NAA38: variants seen among roughly 807,000 people sequenced by gnomAD.
The protein encoded by NAA38 is N-alpha-acetyltransferase 38, NatC auxiliary subunit, also known as LSM domain containing 1.
A neutral mutation model predicts 12.6 loss-of-function variants in NAA38; 15 were observed. That is an observed-to-expected ratio of 1.19 (90% CI 0.79 to 1.83). The LOEUF is 1.83. NAA38 is among the 40% of genes most tolerant of loss of function. The pLI, the probability that NAA38 is intolerant of heterozygous loss-of-function variation, is 0.00. For synonymous variants in NAA38, 88 were observed against 69.9 expected (o/e 1.26, Z -1.29); for missense variants, 183 against 171.7 (o/e 1.07, Z -0.37).
chr17:7,863,172 A>G (rs1966902686), intron 3 of NAA38: 1 of 152,222 alleles, frequency 6.6e-6, no homozygotes, highest in Non-Finnish European at 1.5e-5. Context: ...TCACTTATTA[A>G]TACTTAAAAA....
chr17:7,866,471 A>G, intron 3 of NAA38: 1 of 1,231,382 alleles, frequency 8.1e-7, no homozygotes, highest in Non-Finnish European at 1.0e-6. Flanking sequence ...TTCTCTTAAG[A>G]TGAACTTAGA....
upstream of NAA38, chr17:7,857,621 C>T: frequency 7.3e-7 from 1 of 1,362,912 alleles, no homozygotes; most frequent in Admixed American, 3.5e-5. Flanking sequence ...TCGCGAGCTT[C>T]TCCTACTTCT....
intron 2 of NAA38, among the ~76,000 whole-genome samples, chr17:7,871,104 T>G (rs1249057845): frequency 1.3e-5 from 2 of 152,202 alleles, no homozygotes. Context: ...TTATGGCCTC[T>G]TAAAGCCAGC....
chr17:7,871,747 C>T (rs538713300), intron 2 of NAA38, among the ~76,000 whole-genome samples: 1 of 152,182 alleles, frequency 6.6e-6, no homozygotes, highest in East Asian at 1.9e-4. Flanking sequence ...CTCCGCCTCC[C>T]GAGTTCAAGC....
chr17:7,858,137 G>T, upstream of NAA38: 1 of 1,613,426 alleles, frequency 6.2e-7, no homozygotes. Context: ...CAAGAGCCAT[G>T]CCGCGCCGGG....
rs965304899 is a variant in NAA38 at position 7,884,957 on chromosome 17, G to C, written c.-167+208C>G. 1 of 1,350,774 alleles carries C rather than the reference G, an allele frequency of 7.4e-7. No homozygotes were observed. The highest frequency in any genetic ancestry group is 2.7e-5 in the Admixed American group (1 of 36,932). 83.7% of individuals were successfully genotyped at this position (1,350,774 alleles called of 1,614,324 possible). ...CGATGAGGAGGACGACGACGAGGGA[G>C]TACTCGGGCGCGGGCCGGGCCACGA... On this transcript the variant is annotated intron_variant, in intron 1 of 4. Transcript: ENST00000576861.
At chr17:7,875,632 G>A (rs1339440660) in intron 2 of NAA38, among the ~76,000 whole-genome samples, 1 of 152,116 alleles carries the variant, frequency 6.6e-6, no homozygotes, top group Non-Finnish European at 1.5e-5. Flanking sequence ...TCACTGTATT[G>A]GCTGGTTTGT....
chr17:7,859,913 A>G, upstream of NAA38: 1 of 377,068 alleles, frequency 2.7e-6, no homozygotes, highest in Non-Finnish European at 4.9e-6. Context: ...GTTAAGAGAG[A>G]GTAGTTCTAC....
At chr17:7,885,094 GC>G (rs1301339514) in intron 1 of NAA38, 1 of 958,494 alleles carries the variant, frequency 1.0e-6, no homozygotes, top group Non-Finnish European at 1.2e-6. Context: ...GTAAGCGCCC[GC>G]CCCGACTCCC....
chr17:7,875,414 C>T (rs949348301), intron 2 of NAA38, among the ~76,000 whole-genome samples: 1 of 152,038 alleles, frequency 6.6e-6, no homozygotes, highest in Non-Finnish European at 1.5e-5. Flanking sequence ...TAGCTCACTG[C>T]AGGCTCCAGC....
upstream of NAA38, chr17:7,861,640 T>C (rs1287964293): frequency 1.3e-5 from 2 of 152,186 alleles, no homozygotes; most frequent in Admixed American, 6.5e-5. Context: ...ACACATCCAG[T>C]CACTCATCAA....
chr17:7,883,515 T>C (rs888873364), intron 1 of NAA38, among the ~76,000 whole-genome samples: 10 of 152,114 alleles, frequency 6.6e-5, no homozygotes, highest in Non-Finnish European at 1.2e-4. Context: ...ATAAAATTTA[T>C]AACAATTATA....
At chr17:7,884,429 A>C (rs1956751617) in intron 1 of NAA38, among the ~76,000 whole-genome samples, 1 of 141,564 alleles carries the variant, frequency 7.1e-6, no homozygotes, top group Non-Finnish European at 1.5e-5. Flanking sequence ...AGGGGGGCAG[A>C]GAGAAGTCGA....
At chr17:7,866,252 A>G (rs1304834834) in intron 3 of NAA38, among the ~76,000 whole-genome samples, 1 of 106,758 alleles carries the variant, frequency 9.4e-6, no homozygotes, top group Non-Finnish European at 1.7e-5. Context: ...AAGCCCGGCT[A>G]ATTTTTTTTT....
chr17:7,860,415 C>T (rs1006517065), upstream of NAA38: 2 of 152,152 alleles, frequency 1.3e-5, no homozygotes, highest in East Asian at 1.9e-4. Context: ...CCCAAATAGC[C>T]TCTTCAAGAC....
upstream of NAA38, chr17:7,858,972 C>A: frequency 1.4e-6 from 1 of 710,640 alleles, no homozygotes; most frequent in Non-Finnish European, 2.2e-6. Context: ...AGCACAGCAC[C>A]TAGGTCCCCA....
intron 2 of NAA38, among the ~76,000 whole-genome samples, chr17:7,873,415 G>C (rs1967120462): frequency 6.6e-6 from 1 of 152,208 alleles, no homozygotes; most frequent in African/African-American, 2.4e-5. Context: ...TTTGGTGAAA[G>C]CAGCTGTGGT....
chr17:7,857,139 C>T lies in NAA38; in HGVS notation c.141G>A (p.Ala47=), dbSNP rs145716440. ...AAERARQQLE[A]LLNKTMRIRM... is the part of the protein sequence containing the mutation. ...GAATGCGCATAGTCTTGTTGAGCAG[C>T]GCCTCTAGCTGCTGTCGGGCGCGCT... The change falls in exon 2 of 3, where the codon GCG becomes GCA. Residue 47 remains alanine, a synonymous_variant. Coordinates refer to ENST00000575771, the MANE Select transcript of NAA38 (RefSeq NM_001320925.4). 31 of 1,613,184 alleles carry T rather than the reference C, an allele frequency of 1.9e-5. No individual in the cohort carries two copies. The African/African-American group carries it at 3.7e-4, about 19-fold the overall frequency.
chr17:7,865,092 T>C (rs924625155), intron 3 of NAA38: 1 of 152,088 alleles, frequency 6.6e-6, no homozygotes, highest in Non-Finnish European at 1.5e-5. Context: ...GAAAGTACTA[T>C]AAAGACACAC....
Sources: gnomAD v4.1 joint callset for allele counts (sites outside exome capture counted in the v4.1 genomes callset) on GRCh38, gnomAD v4.1.1 for gene constraint, MANE v1.5 for transcripts, NCBI Gene and HGNC (gene_info 2026-07-23, HGNC 2026-07-21) for gene names.